The following PARN variants were observed in gnomAD, a reference collection of about 807,000 sequenced individuals.
The protein encoded by PARN is poly(A)-specific ribonuclease PARN.
A neutral mutation model predicts 102.8 loss-of-function variants in PARN; 71 were observed. The observed-to-expected ratio is 0.69, with a 90% CI of 0.57 to 0.84. The LOEUF (loss-of-function observed/expected upper bound fraction) is 0.84. Among genes scored for constraint, PARN ranks in the 40% least tolerant of loss-of-function variants. PARN has a pLI of 0.00. For missense variants in PARN, 782 were observed against 760.9 expected, an observed-to-expected ratio of 1.03 and a Z score of -0.33; for synonymous variants, 261 against 252.9, an observed-to-expected ratio of 1.03 and a Z score of -0.30.
chr16:14,553,975 T>A, intron 20 of PARN, 90 bp downstream of exon 20: 1 of 760,470 alleles, frequency 1.3e-6, no homozygotes, highest in Non-Finnish European at 2.2e-6. Context: ...CATTCTTTTA[T>A]ACGCAGGCCA....
At position 14,436,629 on chromosome 16, in the gene PARN, T is replaced by G. The variant is rs1567278272; in HGVS notation, c.*88A>C. The G allele has an allele frequency of 7.5e-6, 7 of 930,578 alleles. No individual in the cohort carries two copies. In the East Asian group the frequency reaches 1.9e-4, roughly 25 times the overall value. The allele number at this position is 930,578 out of a possible 1,614,324, so 57.6% of individuals were successfully genotyped here. On this transcript the variant is annotated 3_prime_UTR_variant, in exon 24 of 24. Transcript: ENST00000437198. ...CAACCCCTCCCATACCACATTTGAT[T>G]AAGTTAAATACAGTGCGGCTTCCAA...
intron 21 of PARN, among the ~76,000 whole-genome samples, chr16:14,532,625 T>C (rs1403032997): frequency 1.3e-5 from 2 of 152,034 alleles, no homozygotes; most frequent in Admixed American, 6.5e-5. Flanking sequence ...CTTTCCCCCC[T>C]TTCTACTCCA....
chr16:14,564,464 C>A (rs541991377), intron 18 of PARN, among the ~76,000 whole-genome samples: 1 of 152,194 alleles, frequency 6.6e-6, no homozygotes, highest in African/African-American at 2.4e-5. Flanking sequence ...AACCTTCCCA[C>A]GACTGTAGTG....
chr16:14,543,560 C>T (rs897738567), intron 21 of PARN, among the ~76,000 whole-genome samples: 6 of 152,040 alleles, frequency 3.9e-5, no homozygotes, highest in Admixed American at 3.9e-4. Context: ...TGTAAATGAA[C>T]CTATATGATT....
intron 18 of PARN, among the ~76,000 whole-genome samples, chr16:14,572,885 T>A (rs1409846059): frequency 6.6e-6 from 1 of 151,986 alleles, no homozygotes. Context: ...GATCTTTTTG[T>A]ATTTTTTCTT....
At chr16:14,478,409 T>C (rs1398567512) in intron 22 of PARN, among the ~76,000 whole-genome samples, 4 of 152,202 alleles carry the variant, frequency 2.6e-5, no homozygotes, top group East Asian at 3.8e-4. Context: ...ATTTGTGATG[T>C]TGAATGATTT....
intron 23 of PARN, among the ~76,000 whole-genome samples, chr16:14,438,214 C>G (rs138850695): frequency 4.9e-4 from 74 of 152,244 alleles, no homozygotes; most frequent in Non-Finnish European, 8.7e-4. Flanking sequence ...CAATAAACAC[C>G]TAACTGTATG....
chr16:14,469,115 T>C (rs1024687936), intron 22 of PARN, among the ~76,000 whole-genome samples: 1 of 151,930 alleles, frequency 6.6e-6, no homozygotes, highest in African/African-American at 2.4e-5. Flanking sequence ...CTGGCCAACA[T>C]GGTGAAACTC....
chr16:14,623,809 C>A (rs963941267), intron 5 of PARN, among the ~76,000 whole-genome samples: 1 of 151,334 alleles, frequency 6.6e-6, no homozygotes, highest in African/African-American at 2.4e-5. Flanking sequence ...TGCACTCCAG[C>A]CTGGGCGACA....
intron 6 of PARN, among the ~76,000 whole-genome samples, chr16:14,614,555 A>T (rs1971748195): frequency 6.6e-6 from 1 of 152,166 alleles, no homozygotes; most frequent in Admixed American, 6.6e-5. Flanking sequence ...GCTCCCGTAC[A>T]AAAGAAAATT....
chr16:14,475,354 A>G (rs971992941), intron 22 of PARN, among the ~76,000 whole-genome samples: 2 of 152,186 alleles, frequency 1.3e-5, no homozygotes, highest in Non-Finnish European at 2.9e-5. Context: ...GAGATCTTAC[A>G]TGTTTCAGCA....
intron 6 of PARN, among the ~76,000 whole-genome samples, chr16:14,614,568 G>A (rs556824247): frequency 6.6e-6 from 1 of 152,224 alleles, no homozygotes; most frequent in South Asian, 2.1e-4. Flanking sequence ...AGAAAATTCA[G>A]GGGCCAGGCA....
intron 21 of PARN, among the ~76,000 whole-genome samples, chr16:14,501,284 A>G (rs1308764744): frequency 2.2e-5 from 3 of 136,716 alleles, no homozygotes; most frequent in Non-Finnish European, 4.7e-5. Flanking sequence ...ACAAAAAACA[A>G]ACAAAAAAAC....
intron 21 of PARN, among the ~76,000 whole-genome samples, chr16:14,518,355 A>G (rs1316596017): frequency 6.6e-6 from 1 of 151,298 alleles, no homozygotes; most frequent in African/African-American, 2.4e-5. Flanking sequence ...TACATATGTA[A>G]TATGAAACAA....
intron 14 of PARN, among the ~76,000 whole-genome samples, chr16:14,585,403 G>C (rs1299041798): frequency 6.9e-6 from 1 of 145,388 alleles, no homozygotes; most frequent in South Asian, 2.2e-4. Flanking sequence ...TGTGAACAGA[G>C]TGGGTAACAG....
At chr16:14,543,301 A>G (rs190952493) in intron 21 of PARN, among the ~76,000 whole-genome samples, 39 of 152,346 alleles carry the variant, frequency 2.6e-4, no homozygotes, top group African/African-American at 8.4e-4. Flanking sequence ...CCAAACCATC[A>G]ATACAAGAAA....
At chr16:14,593,117 G>C (rs575538683) in intron 13 of PARN, among the ~76,000 whole-genome samples, 184 bp downstream of exon 13, 1 of 152,184 alleles carries the variant, frequency 6.6e-6, no homozygotes, top group African/African-American at 2.4e-5. Flanking sequence ...GGGCAACAGA[G>C]TGAGAATACA....
At chr16:14,564,147 G>A (rs1447975609) in intron 18 of PARN, among the ~76,000 whole-genome samples, 1 of 152,146 alleles carries the variant, frequency 6.6e-6, no homozygotes, top group African/African-American at 2.4e-5. Flanking sequence ...GCCTCCCTGT[G>A]AAATGGTAAG....
chr16:14,598,149 T>A (rs559625631), intron 12 of PARN, among the ~76,000 whole-genome samples: 1,706 of 137,794 alleles, frequency 0.012, 22 homozygotes, highest in African/African-American at 0.033. Context: ...GCTCAAAAAA[T>A]ATATATATAT....
Sources: gnomAD v4.1 joint callset for allele counts (sites outside exome capture counted in the v4.1 genomes callset) on GRCh38, gnomAD v4.1.1 for gene constraint, MANE v1.5 for transcripts, NCBI Gene and HGNC (gene_info 2026-07-23, HGNC 2026-07-21) for gene names.